The following MIR2052HG variants were observed in gnomAD, a reference collection of about 807,000 sequenced individuals.
The protein encoded by MIR2052HG is MIR2052 host gene.
At chr8:74,620,024 C>G (rs1244763181) in intron 2 of MIR2052HG, among the ~76,000 whole-genome samples, 1 of 152,156 alleles carries the variant, frequency 6.6e-6, no homozygotes, top group Non-Finnish European at 1.5e-5. Flanking sequence ...TTGGGTATAG[C>G]CATTCCAATG....
At chr8:74,733,352 AC>A (rs1200852887) in intron 4 of MIR2052HG, among the ~76,000 whole-genome samples, 1 of 151,954 alleles carries the variant, frequency 6.6e-6, no homozygotes, top group East Asian at 1.9e-4. Flanking sequence ...TGTTCTTGTG[AC>A]AGTTTACTGA....
chr8:74,703,492 C>G (rs1316805360), intron 3 of MIR2052HG: 1 of 304,374 alleles, frequency 3.3e-6, no homozygotes, highest in Non-Finnish European at 6.5e-6. Context: ...GATGACTGTA[C>G]TCCATGGATA....
intron 2 of MIR2052HG, among the ~76,000 whole-genome samples, chr8:74,634,780 G>A (rs942527750): frequency 2.0e-5 from 3 of 152,126 alleles, no homozygotes; most frequent in Non-Finnish European, 2.9e-5. Context: ...CATAGGTATC[G>A]CAAGACAGAA....
chr8:74,636,805 TAAC>T (rs547170815), intron 2 of MIR2052HG, among the ~76,000 whole-genome samples: 104 of 152,268 alleles, frequency 6.8e-4, no homozygotes, highest in African/African-American at 2.5e-3. Flanking sequence ...TTTTATGTGT[TAAC>T]ATGCTAGATA....
intron 1 of MIR2052HG, chr8:74,609,698 T>G (rs1808164307): frequency 2.0e-5 from 3 of 150,060 alleles, no homozygotes; most frequent in Admixed American, 6.7e-5. Flanking sequence ...GATACTCTCA[T>G]TTAATGTAAT....
intron 4 of MIR2052HG, among the ~76,000 whole-genome samples, chr8:74,728,591 G>A (rs1189119335): frequency 6.6e-6 from 1 of 152,154 alleles, no homozygotes; most frequent in Non-Finnish European, 1.5e-5. Context: ...AGCGTGCTAA[G>A]GATTAAGTAT....
At chr8:74,605,523 T>A (rs1808098296) in intron 1 of MIR2052HG, among the ~76,000 whole-genome samples, 1 of 152,228 alleles carries the variant, frequency 6.6e-6, no homozygotes. Context: ...TCACAAATTT[T>A]ATAAGGAAAT....
chr8:74,624,135 A>G (rs145154389), intron 2 of MIR2052HG, among the ~76,000 whole-genome samples: 211 of 152,310 alleles, frequency 1.4e-3, no homozygotes, highest in African/African-American at 4.9e-3. Context: ...GAAATCATGG[A>G]GATTTTGGTC....
chr8:74,736,960 A>G (rs1429284157), intron 4 of MIR2052HG, among the ~76,000 whole-genome samples: 1 of 152,156 alleles, frequency 6.6e-6, no homozygotes, highest in Non-Finnish European at 1.5e-5. Flanking sequence ...TTTCACGCTG[A>G]CTTCCTAGAA....
At chr8:74,606,302 G>A (rs975861220) in intron 1 of MIR2052HG, among the ~76,000 whole-genome samples, 1 of 152,146 alleles carries the variant, frequency 6.6e-6, no homozygotes, top group Admixed American at 6.5e-5. Context: ...GGGGCTGCCA[G>A]TGAAAGAGCC....
At chr8:74,671,113 C>CGTGT (rs34920389) in intron 2 of MIR2052HG, among the ~76,000 whole-genome samples, 4,221 of 148,520 alleles carry the variant, frequency 0.028, 178 homozygotes, top group African/African-American at 0.096. Flanking sequence ...TGAGAGTGTA[C>CGTGT]GTGTGTGTGT....
intron 2 of MIR2052HG, among the ~76,000 whole-genome samples, chr8:74,693,610 C>T (rs954016873): frequency 2.1e-3 from 18 of 8,680 alleles, no homozygotes; most frequent in Non-Finnish European, 8.0e-3. Flanking sequence ...ATTGCGGGGG[C>T]GGGGGGGGAG....
chr8:74,716,966 C>A (rs978720172), intron 4 of MIR2052HG, among the ~76,000 whole-genome samples: 1 of 152,044 alleles, frequency 6.6e-6, no homozygotes, highest in Admixed American at 6.6e-5. Flanking sequence ...ATAACTTTCT[C>A]AAGCATACAC....
At chr8:74,602,531 T>G (rs1004271125) in intron 1 of MIR2052HG, among the ~76,000 whole-genome samples, 15 of 151,734 alleles carry the variant, frequency 9.9e-5, no homozygotes, top group Non-Finnish European at 2.1e-4. Flanking sequence ...TTTTTTTTTT[T>G]GAGACAGTCT....
At chr8:74,667,077 G>T (rs980314943) in intron 2 of MIR2052HG, among the ~76,000 whole-genome samples, 1 of 152,332 alleles carries the variant, frequency 6.6e-6, no homozygotes, top group Non-Finnish European at 1.5e-5. Flanking sequence ...TCATGCAAGA[G>T]GGATAAATCA....
chr8:74,647,486 A>C (rs1412230123), intron 2 of MIR2052HG, among the ~76,000 whole-genome samples: 8 of 152,238 alleles, frequency 5.3e-5, no homozygotes, highest in Non-Finnish European at 1.0e-4. Flanking sequence ...GGAAAAACCA[A>C]GCTGTAAGTT....
At chr8:74,674,417 G>A (rs992062271) in intron 2 of MIR2052HG, among the ~76,000 whole-genome samples, 4 of 151,834 alleles carry the variant, frequency 2.6e-5, no homozygotes, top group African/African-American at 9.7e-5. Context: ...ACTATTTAAA[G>A]AGCTAGAGCA....
chr8:74,601,159 TTTG>T (rs1807994603), intron 1 of MIR2052HG, among the ~76,000 whole-genome samples: 1 of 152,230 alleles, frequency 6.6e-6, no homozygotes, highest in Non-Finnish European at 1.5e-5. Context: ...TTCTTAATTA[TTTG>T]TATTTATATA....
At chr8:74,611,187 T>C (rs1008315617) in intron 1 of MIR2052HG, among the ~76,000 whole-genome samples, 3 of 152,056 alleles carry the variant, frequency 2.0e-5, no homozygotes, top group African/African-American at 4.8e-5. Flanking sequence ...TCAGAAAATA[T>C]ATATAATGGC....
Sources: gnomAD v4.1 joint callset for allele counts (sites outside exome capture counted in the v4.1 genomes callset) on GRCh38, gnomAD v4.1.1 for gene constraint, MANE v1.5 for transcripts, NCBI Gene and HGNC (gene_info 2026-07-23, HGNC 2026-07-21) for gene names.